SH2D1B: variants seen among roughly 807,000 people sequenced by gnomAD.
SH2D1B encodes SH2 domain containing 1B, also known as SH2 domain-containing protein 1B.
Under a neutral mutation model 16.3 loss-of-function variants are expected in SH2D1B, and 11 were observed. The observed-to-expected ratio is 0.67, with a 90% CI of 0.42 to 1.11. The LOEUF (loss-of-function observed/expected upper bound fraction) is 1.11, where lower values mean the gene tolerates loss of function less well. SH2D1B is among the 50% of genes most tolerant of loss of function. The pLI, the probability that SH2D1B is intolerant of heterozygous loss-of-function variation, is 0.00. For synonymous variants in SH2D1B, 55 were observed against 56.1 expected, an observed-to-expected ratio of 0.98 and a Z score of 0.09; for missense variants, 123 against 153.1, an observed-to-expected ratio of 0.80 and a Z score of 1.04.
At chr1:162,404,194 G>C (rs1348224174) in intron 1 of SH2D1B, among the ~76,000 whole-genome samples, 1 of 152,044 alleles carries the variant, frequency 6.6e-6, no homozygotes, top group Non-Finnish European at 1.5e-5. Context: ...AAATTTGCTG[G>C]GTGTGGTGGC....
chr1:162,403,035 C>T (rs537769285), intron 1 of SH2D1B, among the ~76,000 whole-genome samples: 3 of 151,706 alleles, frequency 2.0e-5, no homozygotes, highest in Non-Finnish European at 2.9e-5. Flanking sequence ...CAGCCTCCTG[C>T]GTAGCTGGGA....
At chr1:162,407,840 G>T (rs1362006768) in intron 1 of SH2D1B, among the ~76,000 whole-genome samples, 1 of 152,118 alleles carries the variant, frequency 6.6e-6, no homozygotes, top group Non-Finnish European at 1.5e-5. Flanking sequence ...CTTCATGAGG[G>T]CAGAAACATT....
intron 2 of SH2D1B, among the ~76,000 whole-genome samples, chr1:162,400,457 A>ATTTTTTTTTTTT (rs34822047): frequency 5.8e-3 from 642 of 110,634 alleles, no homozygotes; most frequent in Non-Finnish European, 8.5e-3. Flanking sequence ...TACCTGGCTA[A>ATTTTTTTTTTTT]TTTTTTTTTT....
chr1:162,411,180 T>C (rs548015815), intron 1 of SH2D1B, among the ~76,000 whole-genome samples: 3 of 152,180 alleles, frequency 2.0e-5, no homozygotes, highest in African/African-American at 4.8e-5. Flanking sequence ...GGTCTCAAAC[T>C]CCTGACCTCA....
chr1:162,400,285 ACT>A (rs1648480360), intron 2 of SH2D1B, among the ~76,000 whole-genome samples: 1 of 117,914 alleles, frequency 8.5e-6, no homozygotes, highest in Non-Finnish European at 1.8e-5. Flanking sequence ...TACACCACGT[ACT>A]TTTTTTTTTT....
At chr1:162,411,034 C>T (rs1407794626) in intron 1 of SH2D1B, among the ~76,000 whole-genome samples, 3 of 152,064 alleles carry the variant, frequency 2.0e-5, no homozygotes, top group Non-Finnish European at 2.9e-5. Context: ...CAGCTCACTG[C>T]AGCCTCTGCC....
Position 162,395,961 on chromosome 1 carries a change from G to A in SH2D1B, c.*1319C>T, listed in dbSNP as rs951861632. On this transcript the variant is annotated 3_prime_UTR_variant, in exon 4 of 4. Transcript: ENST00000367929. Reference sequence around the variant, plus strand: ...AAAAAGAGGTTTTAAGCAATTTCACGTATTTATTATAAAATGTATATAGAA... The same window carrying A: ...AAAAAGAGGTTTTAAGCAATTTCACATATTTATTATAAAATGTATATAGAA... 6 of 152,144 alleles carry A rather than the reference G, an allele frequency of 3.9e-5. No individual in the cohort carries two copies. The highest frequency in any genetic ancestry group is 7.4e-5 in the Non-Finnish European group (5 of 68,020). The allele number at this position is 152,144 out of a possible 1,614,324, so 9.4% of individuals were successfully genotyped here.
Position 162,412,072 on chromosome 1 carries a change from CA to C in SH2D1B, c.-57del, listed in dbSNP as rs1648811004. On this transcript the variant is annotated 5_prime_UTR_variant, in exon 1 of 4. Transcript: ENST00000367929. Reference sequence around the variant, plus strand: ...GTTGGCCTGAAATTCACCCCCAAGTCAAGGGACAGCTCTGAGGAGAGATGTG... The same window carrying C: ...GTTGGCCTGAAATTCACCCCCAAGTCAGGGACAGCTCTGAGGAGAGATGTG... The C allele has an allele frequency of 3.7e-6, 6 of 1,610,076 alleles. No homozygotes were observed. The highest frequency in any genetic ancestry group is 5.1e-6 in the Non-Finnish European group (6 of 1,177,346).
intron 1 of SH2D1B, among the ~76,000 whole-genome samples, chr1:162,403,488 G>GAAAA (rs1172751501): frequency 6.3e-4 from 13 of 20,654 alleles, no homozygotes; most frequent in African/African-American, 1.7e-3. Context: ...GACTCTGTCT[G>GAAAA]AAAAAAAAAA....
At chr1:162,404,876 G>A (rs351449) in intron 1 of SH2D1B, among the ~76,000 whole-genome samples, 91,775 of 152,094 alleles carry the variant, frequency 0.6, 27,898 homozygotes, top group East Asian at 0.66. Flanking sequence ...ATCACTTTGG[G>A]AAACAGTTTG....
In SH2D1B at chr1:162,398,908, C is replaced by A. The variant is rs141096884; in HGVS notation, c.363+15G>T. The A allele has an allele frequency of 5.0e-6, 8 of 1,605,506 alleles. No individual in the cohort carries two copies. In the Admixed American group the frequency reaches 5.0e-5, roughly 10 times the overall value. On this transcript the variant is annotated intron_variant, in intron 3 of 3. Transcript: ENST00000367929. ...GATTAAGATTGCTTTCTGACCCCCA[C>A]GTGAGAGATTTTACCACAAATGTTT...
rs1557913414 is a variant in SH2D1B at position 162,412,037 on chromosome 1, A to G, written c.-21T>C. 6.2e-7 allele frequency: 1 copy of G among 1,613,698 alleles called. No individual in the cohort carries two copies. On this transcript the variant is annotated 5_prime_UTR_variant, in exon 1 of 4. Transcript: ENST00000367929. ...TCCATGGAGAACGCTCTTGTATCCC[A>G]GGAAGCCCTGTTGGCCTGAAATTCA...
Position 162,411,955 on chromosome 1 carries a change from T to G in SH2D1B, c.62A>C (p.Lys21Thr). The G allele has an allele frequency of 1.9e-6, 3 of 1,614,138 alleles. No homozygotes were observed. The highest frequency in any genetic ancestry group is 2.7e-5 in the African/African-American group (2 of 75,040). The change falls in exon 1 of 4, where the codon AAG becomes ACG. Residue 21 changes from lysine to threonine, a missense_variant. Coordinates refer to ENST00000367929, the MANE Select transcript of SH2D1B (RefSeq NM_053282.5). ...AAGAAAGTTGCCATCCACCCCTTCC[T>G]TGAGCAGCAAGGTCTCACAGTCTTG... is the stretch of plus-strand genomic sequence containing the variant. ...TKQDCETLLL[K>T]EGVDGNFLLR...
rs1228684367 is a variant in SH2D1B at position 162,396,296 on chromosome 1, T to C, written c.*984A>G. The C allele has an allele frequency of 6.6e-6, 1 of 152,216 alleles. No individual in the cohort carries two copies. The highest frequency in any genetic ancestry group is 1.5e-5 in the Non-Finnish European group (1 of 68,040). 9.4% of individuals were successfully genotyped at this position (152,216 alleles called of 1,614,324 possible). A position where few individuals can be genotyped will look rare whatever the true frequency, so the allele number is the denominator to read the frequency against. ...AACTGACCAGGTCCTAATTCACATT[T>C]TGAACTAGCAGAAAAATTCAGCAAA... On this transcript the variant is annotated 3_prime_UTR_variant, in exon 4 of 4. Coordinates refer to ENST00000367929, the MANE Select transcript of SH2D1B (RefSeq NM_053282.5).
chr1:162,405,402 A>C (rs1336803177), intron 1 of SH2D1B, among the ~76,000 whole-genome samples: 2 of 152,238 alleles, frequency 1.3e-5, no homozygotes, highest in Non-Finnish European at 2.9e-5. Context: ...CAAATTGTAC[A>C]CTTTTTATTT....
At chr1:162,401,324 G>GA (rs1461445960) in intron 2 of SH2D1B, among the ~76,000 whole-genome samples, 2 of 130,418 alleles carry the variant, frequency 1.5e-5, no homozygotes, top group Admixed American at 8.0e-5. Context: ...AGAATAAACA[G>GA]AAAAAAAAGT....
chr1:162,408,498 C>T (rs992997962), intron 1 of SH2D1B, among the ~76,000 whole-genome samples: 1 of 149,590 alleles, frequency 6.7e-6, no homozygotes, highest in African/African-American at 2.5e-5. Flanking sequence ...CTGCAACCTC[C>T]GCCTCCTGGG....
intron 1 of SH2D1B, among the ~76,000 whole-genome samples, chr1:162,406,964 G>C (rs934343089): frequency 5.9e-5 from 9 of 152,078 alleles, no homozygotes; most frequent in Admixed American, 4.6e-4. Flanking sequence ...TTACACACTG[G>C]AGTTTTCTAG....
intron 1 of SH2D1B, among the ~76,000 whole-genome samples, chr1:162,408,270 A>C (rs1039797799): frequency 6.6e-6 from 1 of 152,212 alleles, no homozygotes; most frequent in Non-Finnish European, 1.5e-5. Context: ...CTTAAGCCTG[A>C]GGGTGAATGA....
Sources: gnomAD v4.1 joint callset for allele counts (sites outside exome capture counted in the v4.1 genomes callset) on GRCh38, gnomAD v4.1.1 for gene constraint, MANE v1.5 for transcripts, NCBI Gene and HGNC (gene_info 2026-07-23, HGNC 2026-07-21) for gene names.